The following PHF20L1 variants were observed in gnomAD, a reference collection of about 807,000 sequenced individuals.
The protein encoded by PHF20L1 is PHD finger protein 20 like 1.
A neutral mutation model predicts 125.5 loss-of-function variants in PHF20L1; 44 were observed. That is an observed-to-expected ratio of 0.35 (90% CI 0.28 to 0.45). PHF20L1 has a LOEUF of 0.45. PHF20L1 is among the 20% of genes least tolerant of loss of function. The pLI, the probability that PHF20L1 is intolerant of heterozygous loss-of-function variation, is 1.00. For synonymous variants in PHF20L1, 380 were observed against 403.1 expected (o/e 0.94, Z 0.69); for missense variants, 1,012 against 1,217.2 (o/e 0.83, Z 2.51).
At chr8:132,811,548 T>G in intron 9 of PHF20L1, 1 of 984,316 alleles carries the variant, frequency 1.0e-6, no homozygotes. Context: ...TGACTATGTG[T>G]TTTATGAATT....
intron 6 of PHF20L1, among the ~76,000 whole-genome samples, chr8:132,801,242 A>G (rs1833010429): frequency 6.6e-6 from 1 of 151,670 alleles, no homozygotes; most frequent in African/African-American, 2.4e-5. Context: ...ACTAGTGTTA[A>G]TGGTTGGCTT....
chr8:132,845,999 G>T lies in PHF20L1; in HGVS notation c.*76G>T. ...TTTATTATCCACGTGATGGCTAAGT[G>T]GATAATTTAAAAGCTTAGTAATGTC... On this transcript the variant is annotated 3_prime_UTR_variant, in exon 21 of 21. Coordinates refer to ENST00000395386, the MANE Select transcript of PHF20L1 (RefSeq NM_016018.5). 8.8e-7 allele frequency: 1 copy of T among 1,134,610 alleles called. No homozygotes were observed. The highest frequency in any genetic ancestry group is 1.5e-5 in the South Asian group (1 of 67,578). The allele number at this position is 1,134,610 out of a possible 1,614,324, so 70.3% of individuals were successfully genotyped here. A position where few individuals can be genotyped will look rare whatever the true frequency, so the allele number is the denominator to read the frequency against.
chr8:132,796,169 A>G (rs2553587), intron 4 of PHF20L1, among the ~76,000 whole-genome samples: 97,378 of 151,886 alleles, frequency 0.64, 31,291 homozygotes, highest in Admixed American at 0.68. Flanking sequence ...CTTTTCTGGT[A>G]GAAGAAATAT....
Position 132,778,044 on chromosome 8 carries a change from G to GT in PHF20L1, c.83+139dup, listed in dbSNP as rs1263669979. 7 of 588,964 alleles carry GT rather than the reference G, an allele frequency of 1.2e-5. No individual in the cohort carries two copies. In the African/African-American group the frequency reaches 1.3e-4, roughly 11 times the overall value. The allele number at this position is 588,964 out of a possible 1,614,324, so 36.5% of individuals were successfully genotyped here. A position where few individuals can be genotyped will look rare whatever the true frequency, so the allele number is the denominator to read the frequency against. ...CACATTTCGATTACACATATATGTT[G>GT]TTTTTTAGTTTTCCTACTCTTTAGG... On this transcript the variant is annotated intron_variant, in intron 2 of 20. Transcript: ENST00000395386.
intron 9 of PHF20L1, chr8:132,812,185 C>G: frequency 1.0e-6 from 1 of 980,446 alleles, no homozygotes. Context: ...TTTTAAATAA[C>G]TTTTTTTACT....
At chr8:132,823,402 G>T (rs1354626753) in intron 12 of PHF20L1, among the ~76,000 whole-genome samples, 1 of 151,988 alleles carries the variant, frequency 6.6e-6, no homozygotes, top group Non-Finnish European at 1.5e-5. Flanking sequence ...CACAGAAGTA[G>T]AAATGGTACC....
chr8:132,795,124 CTT>C (rs1832231845), intron 4 of PHF20L1, among the ~76,000 whole-genome samples: 1 of 152,064 alleles, frequency 6.6e-6, no homozygotes, highest in Non-Finnish European at 1.5e-5. Flanking sequence ...TTGTGGCTAA[CTT>C]ATATTTATGA....
chr8:132,808,230 A>G (rs1833957504), intron 8 of PHF20L1: 1 of 152,336 alleles, frequency 6.6e-6, no homozygotes, highest in Admixed American at 6.5e-5. Flanking sequence ...AATTTTAAGT[A>G]GTTTTTCTTA....
chr8:132,805,008 T>C lies in PHF20L1; in HGVS notation c.847+268T>C, dbSNP rs146836048. Among the ~76,000 whole-genome samples the C allele has an allele frequency of 1.4e-3, 209 of 152,042 alleles. 1 individual carries two copies. Among genetic ancestry groups the C allele is most frequent in the African/African-American group, 4.9e-3 (202 of 41,540 alleles). Reference sequence around the variant, plus strand: ...GGACAAATGCTACAAAGCTCAGTGATTTTTAAATTACATTTGTGGTAGTAG... The same window carrying C: ...GGACAAATGCTACAAAGCTCAGTGACTTTTAAATTACATTTGTGGTAGTAG... On this transcript the variant is annotated intron_variant, in intron 8 of 20. Coordinates refer to ENST00000395386, the MANE Select transcript of PHF20L1 (RefSeq NM_016018.5).
At chr8:132,813,050 T>C in intron 9 of PHF20L1, 1 of 955,644 alleles carries the variant, frequency 1.0e-6, no homozygotes, top group South Asian at 4.8e-5. Context: ...TGTTAATTTT[T>C]CCTTGTTTAG....
chr8:132,804,688 TAATC>T lies in PHF20L1; in HGVS notation c.798_801del (p.Asn266LysfsTer97). On this transcript the variant is annotated frameshift_variant, in exon 8 of 21. Transcript: ENST00000395386. LOFTEE classifies it high-confidence loss of function. ...GCACATTATCAAACAAGAGGAAAAA[TAATC>T]AAGGCAACTCGTTTCAGGCAAAGAG... 6.2e-7 allele frequency: 1 copy of T among 1,610,038 alleles called. No individual in the cohort carries two copies.
chr8:132,843,064 T>C, intron 19 of PHF20L1, 189 bp downstream of exon 19: 1 of 1,321,518 alleles, frequency 7.6e-7, no homozygotes, highest in African/African-American at 1.5e-5. Context: ...TTTGATTATC[T>C]CCTAATTCAG....
intron 8 of PHF20L1, chr8:132,810,381 T>G (rs1179136067): frequency 6.6e-6 from 1 of 152,012 alleles, no homozygotes; most frequent in South Asian, 2.1e-4. Context: ...GTGACATACA[T>G]AGAAGAAAAC....
intron 2 of PHF20L1, among the ~76,000 whole-genome samples, chr8:132,783,426 A>G (rs1402500614): frequency 6.6e-6 from 1 of 152,214 alleles, no homozygotes; most frequent in East Asian, 1.9e-4. Flanking sequence ...TTTACATTGT[A>G]GCAAGTACAA....
At chr8:132,823,416 A>C (rs957445728) in intron 12 of PHF20L1, among the ~76,000 whole-genome samples, 1 of 151,976 alleles carries the variant, frequency 6.6e-6, no homozygotes, top group African/African-American at 2.4e-5. Flanking sequence ...TGGTACCTGG[A>C]ACTACTACTC....
At chr8:132,799,412 C>T (rs1193914309) in intron 6 of PHF20L1, 2 of 305,864 alleles carry the variant, frequency 6.5e-6, no homozygotes, top group Non-Finnish European at 1.2e-5. Context: ...TGTCACTGCT[C>T]AAAGCAAGAA....
At chr8:132,823,958 T>C (rs1351858022) in intron 12 of PHF20L1, 46 bp from the exon 13 acceptor site, 3 of 1,148,804 alleles carry the variant, frequency 2.6e-6, no homozygotes, top group East Asian at 2.4e-5. Flanking sequence ...TCCCATACTT[T>C]TAAGTTTTTC....
intron 8 of PHF20L1, chr8:132,806,790 T>C (rs1833761870): frequency 6.6e-6 from 1 of 152,072 alleles, no homozygotes; most frequent in Non-Finnish European, 1.5e-5. Context: ...TGTATGTGTC[T>C]TTTTGTCCTT....
Position 132,798,754 on chromosome 8 carries a change from G to T in PHF20L1, c.341-18G>T. ...TTGAATTATATTTTCTAATGATTCT[G>T]ACTTGCTCCTGTTTCAGGAACATTT... On this transcript the variant is annotated intron_variant, in intron 4 of 20. Coordinates refer to ENST00000395386, the MANE Select transcript of PHF20L1 (RefSeq NM_016018.5). 1 of 1,509,096 alleles carries T rather than the reference G, an allele frequency of 6.6e-7. No homozygotes were observed. The highest frequency in any genetic ancestry group is 1.1e-5 in the South Asian group (1 of 86,980). 93.5% of individuals were successfully genotyped at this position (1,509,096 alleles called of 1,614,324 possible). A position where few individuals can be genotyped will look rare whatever the true frequency, so the allele number is the denominator to read the frequency against.
Sources: allele counts gnomAD v4.1 joint callset (sites outside exome capture counted in the v4.1 genomes callset), GRCh38; gene constraint gnomAD v4.1.1; transcripts MANE v1.5; gene names NCBI Gene and HGNC (gene_info 2026-07-23, HGNC 2026-07-21).